Variants in AGMO observed in about 807,000 individuals in gnomAD.
The protein encoded by AGMO is glyceryl-ether monooxygenase.
In AGMO, 75 loss-of-function variants were observed where a neutral mutation model predicts 60.2. The observed-to-expected ratio is 1.25, with a 90% CI of 1.03 to 1.51. The LOEUF (loss-of-function observed/expected upper bound fraction) is 1.51. AGMO is among the 40% of genes most tolerant of loss of function. AGMO has a pLI of 0.00. For synonymous variants in AGMO, 261 were observed against 177.1 expected, an observed-to-expected ratio of 1.47 and a Z score of -3.76; for missense variants, 763 against 525.5, an observed-to-expected ratio of 1.45 and a Z score of -4.42.
chr7:15,432,633 C>T (rs1350106538), intron 3 of AGMO, among the ~76,000 whole-genome samples: 1 of 151,648 alleles, frequency 6.6e-6, no homozygotes, highest in Non-Finnish European at 1.5e-5. Context: ...CACGTATTGT[C>T]ATCAACCACA....
the AGMO span, among the ~76,000 whole-genome samples, chr7:15,121,454 C>G: frequency 6.6e-6 from 1 of 152,118 alleles, no homozygotes; most frequent in African/African-American, 2.4e-5. Context: ...TAAAAGCGTT[C>G]CTATTTCTCC....
chr7:15,497,561 A>G (rs1456166360), intron 3 of AGMO, among the ~76,000 whole-genome samples: 2 of 152,078 alleles, frequency 1.3e-5, no homozygotes, highest in African/African-American at 4.8e-5. Flanking sequence ...CCTCAGAAGA[A>G]TACCTCCTTG....
Position 15,418,591 on chromosome 7 carries a change from G to A in AGMO, c.576C>T (p.Phe192=). The A allele has an allele frequency of 6.3e-7, 1 of 1,589,114 alleles. No homozygotes were observed. Among genetic ancestry groups the A allele is most frequent in the Non-Finnish European group, 8.5e-7 (1 of 1,170,828 alleles). ...GGATCCAAAATTGGTAAAGAAGATTGAATTGAAGATGAACAGCATATACTG... is the reference window on the plus strand; with the variant it reads ...GGATCCAAAATTGGTAAAGAAGATTAAATTGAAGATGAACAGCATATACTG... The part of the protein sequence containing the change: ...PPSVYAVHLQ[F]NLLYQFWIHT... Residue 192 remains phenylalanine, a synonymous_variant, in exon 5 of 13, where the codon TTC becomes TTT. Coordinates refer to ENST00000342526, the MANE Select transcript of AGMO (RefSeq NM_001004320.2).
intron 12 of AGMO, among the ~76,000 whole-genome samples, chr7:15,222,250 A>G (rs748119539): frequency 1.3e-5 from 2 of 152,090 alleles, no homozygotes; most frequent in Non-Finnish European, 2.9e-5. Flanking sequence ...TAGAATCCTG[A>G]CATTACTCAA....
the AGMO span, among the ~76,000 whole-genome samples, chr7:15,134,243 A>G: frequency 1.3e-5 from 2 of 151,940 alleles, no homozygotes; most frequent in Non-Finnish European, 1.5e-5. Context: ...GCTCACTGCA[A>G]CCTCCACCTA....
intron 12 of AGMO, among the ~76,000 whole-genome samples, chr7:15,209,173 C>CTT (rs1464856709): frequency 2.0e-5 from 3 of 152,162 alleles, no homozygotes; most frequent in African/African-American, 7.2e-5. Flanking sequence ...GCAAAATGTA[C>CTT]TTCTGGCATT....
In AGMO at chr7:15,523,359, T is replaced by G. The variant is rs555983929; in HGVS notation, c.409+21413A>C. Reference sequence around the variant, plus strand: ...ATACACCCAAAGGATTATAAATCATTCTACTATAAAGACACATGCACACAT... The same window carrying G: ...ATACACCCAAAGGATTATAAATCATGCTACTATAAAGACACATGCACACAT... On this transcript the variant is annotated intron_variant, in intron 3 of 12. Transcript: ENST00000342526. 1.3e-3 allele frequency among the ~76,000 whole-genome samples: 195 copies of G among 152,268 alleles called. 3 individuals are homozygous for G. The Middle Eastern group carries it at 0.017, about 13-fold the overall frequency.
chr7:15,345,293 A>G (rs1265952522), intron 12 of AGMO, among the ~76,000 whole-genome samples: 3 of 152,160 alleles, frequency 2.0e-5, no homozygotes, highest in African/African-American at 7.2e-5. Flanking sequence ...CACTCCAGCC[A>G]TAAGGAACGA....
chr7:15,382,887 A>G (rs1783751184), intron 10 of AGMO, among the ~76,000 whole-genome samples: 1 of 152,184 alleles, frequency 6.6e-6, no homozygotes, highest in Non-Finnish European at 1.5e-5. Flanking sequence ...GTTTGAAAAC[A>G]AGTTCAAATC....
intron 3 of AGMO, among the ~76,000 whole-genome samples, chr7:15,469,529 G>A (rs1008631993): frequency 6.6e-6 from 1 of 152,128 alleles, no homozygotes; most frequent in African/African-American, 2.4e-5. Flanking sequence ...AGTAACCTTG[G>A]CTGGTCAGCT....
intron 12 of AGMO, among the ~76,000 whole-genome samples, chr7:15,327,552 G>A (rs1355104029): frequency 1.3e-5 from 2 of 151,838 alleles, no homozygotes; most frequent in Non-Finnish European, 2.9e-5. Context: ...TTAGACAACT[G>A]AGAAATTTAG....
At chr7:15,188,753 C>A in the AGMO span, among the ~76,000 whole-genome samples, 1 of 100,094 alleles carries the variant, frequency 1.0e-5, no homozygotes, top group African/African-American at 4.2e-5. Flanking sequence ...TGAGGTAATA[C>A]AGTCTTTCAA....
chr7:15,441,396 C>T (rs1284677859), intron 3 of AGMO, among the ~76,000 whole-genome samples: 2 of 152,156 alleles, frequency 1.3e-5, no homozygotes, highest in African/African-American at 4.8e-5. Flanking sequence ...GCACTTTGTT[C>T]CTGGTTGTCA....
the AGMO span, among the ~76,000 whole-genome samples, chr7:15,190,537 G>A: frequency 6.6e-6 from 1 of 151,970 alleles, no homozygotes; most frequent in Non-Finnish European, 1.5e-5. Flanking sequence ...GAAAGGGCAG[G>A]ATGTCTGAAA....
At chr7:15,468,789 G>T (rs1357799191) in intron 3 of AGMO, among the ~76,000 whole-genome samples, 1 of 152,040 alleles carries the variant, frequency 6.6e-6, no homozygotes, top group Non-Finnish European at 1.5e-5. Flanking sequence ...TGAAGCTTGT[G>T]CACGTTTGTG....
intron 12 of AGMO, among the ~76,000 whole-genome samples, chr7:15,276,358 C>T (rs963320599): frequency 1.6e-4 from 24 of 151,918 alleles, no homozygotes; most frequent in Admixed American, 1.6e-3. Context: ...CAAAAATAGG[C>T]TCCCAAGCTC....
At chr7:15,537,744 T>G (rs940666853) in intron 3 of AGMO, among the ~76,000 whole-genome samples, 1 of 152,162 alleles carries the variant, frequency 6.6e-6, no homozygotes, top group Non-Finnish European at 1.5e-5. Context: ...TTTTCAAATG[T>G]ACTTTCTATA....
At chr7:15,420,055 T>A (rs1489788242) in intron 4 of AGMO, among the ~76,000 whole-genome samples, 2 of 152,106 alleles carry the variant, frequency 1.3e-5, no homozygotes, top group African/African-American at 4.8e-5. Context: ...GAGAAAAATA[T>A]GAAACAACTT....
At chr7:15,295,073 A>G (rs190109887) in intron 12 of AGMO, among the ~76,000 whole-genome samples, 1 of 152,068 alleles carries the variant, frequency 6.6e-6, no homozygotes, top group Admixed American at 6.5e-5. Flanking sequence ...GAACATAATT[A>G]TAATTGCAAA....
Sources: allele counts gnomAD v4.1 joint callset (sites outside exome capture counted in the v4.1 genomes callset), GRCh38; gene constraint gnomAD v4.1.1; transcripts MANE v1.5; gene names NCBI Gene and HGNC (gene_info 2026-07-23, HGNC 2026-07-21).